EFCAB13: variants seen among roughly 807,000 people sequenced by gnomAD.
EFCAB13 encodes EF-hand calcium-binding domain-containing protein 13.
In EFCAB13, 91 loss-of-function variants were observed where a neutral mutation model predicts 110.2. That is an observed-to-expected ratio of 0.83 (90% confidence interval 0.70 to 0.98). The LOEUF is 0.98. Ranked by LOEUF, EFCAB13 falls within the 50% of genes least tolerant of loss-of-function variation. EFCAB13 has a pLI of 0.00. For synonymous variants in EFCAB13, 323 were observed against 369.9 expected (o/e 0.87, Z 1.45); for missense variants, 968 against 1,119.4 (o/e 0.86, Z 1.93).
chr17:47,342,363 T>C (rs893043811), intron 6 of EFCAB13, among the ~76,000 whole-genome samples: 2 of 152,190 alleles, frequency 1.3e-5, no homozygotes, highest in Non-Finnish European at 2.9e-5. Flanking sequence ...ATAACTCCAA[T>C]CTCTGCCTCC....
intron 24 of EFCAB13, 108 bp downstream of exon 24, chr17:47,430,069 G>A: frequency 7.1e-7 from 1 of 1,400,104 alleles, no homozygotes; most frequent in South Asian, 1.8e-5. Context: ...GGAAGCTGAG[G>A]TGGGATGACT....
At chr17:47,395,792 T>C (rs965040458) in intron 16 of EFCAB13, 42 bp from the exon 17 acceptor site, 2 of 1,545,338 alleles carry the variant, frequency 1.3e-6, no homozygotes, top group Non-Finnish European at 8.8e-7. Context: ...ATTAACTTCT[T>C]GCATAAGCAT....
At chr17:47,412,747 T>C in intron 21 of EFCAB13, 26 bp from the exon 22 acceptor site, 1 of 1,595,824 alleles carries the variant, frequency 6.3e-7, no homozygotes, top group South Asian at 1.1e-5. Flanking sequence ...TACACCATAA[T>C]AGCTTGTGTA....
intron 21 of EFCAB13, among the ~76,000 whole-genome samples, chr17:47,411,856 C>T (rs927462808): frequency 6.6e-6 from 1 of 152,212 alleles, no homozygotes; most frequent in Non-Finnish European, 1.5e-5. Flanking sequence ...CTTTGGGAGG[C>T]TGACGCCGGT....
rs1226654120 is a variant in EFCAB13, at chr17:47,370,733, T to G, written c.877+225T>G. On this transcript the variant is annotated intron_variant, in intron 11 of 24. Coordinates refer to ENST00000331493, the MANE Select transcript of EFCAB13 (RefSeq NM_152347.5). Reference sequence around the variant, plus strand: ...TTGCCCAGTTTTTTGTTGTTGTTGTTGTTTGTTTTTTTTTTTTTTTTTTTT... The same window carrying G: ...TTGCCCAGTTTTTTGTTGTTGTTGTGGTTTGTTTTTTTTTTTTTTTTTTTT... Among the ~76,000 whole-genome samples the G allele has an allele frequency of 8.0e-5, 8 of 99,752 alleles. No homozygotes were observed. In the East Asian group the frequency reaches 1.4e-3, roughly 17 times the overall value. 65.4% of individuals were successfully genotyped at this position (99,752 alleles called of 152,430 possible).
chr17:47,335,892 A>G (rs567013731), intron 5 of EFCAB13, among the ~76,000 whole-genome samples: 4 of 152,322 alleles, frequency 2.6e-5, no homozygotes, highest in South Asian at 4.1e-4. Context: ...CTCTCCCCCA[A>G]TATTGGGGAT....
chr17:47,418,254 G>C (rs1161521946), intron 23 of EFCAB13, among the ~76,000 whole-genome samples: 1 of 152,164 alleles, frequency 6.6e-6, no homozygotes, highest in Non-Finnish European at 1.5e-5. Context: ...ATTAGAGCTA[G>C]CTTACCCTTC....
chr17:47,409,033 C>T (rs1432030198), intron 20 of EFCAB13, among the ~76,000 whole-genome samples: 1 of 152,018 alleles, frequency 6.6e-6, no homozygotes. Flanking sequence ...TGTATTCTAA[C>T]CTCTGTTTGT....
Position 47,402,389 on chromosome 17 carries a change from A to G in EFCAB13, c.2017+186A>G, listed in dbSNP as rs1175860073. On this transcript the variant is annotated intron_variant, in intron 18 of 24. Transcript: ENST00000331493. ...GGCATATAGGAACTTGGCTTTCAGA[A>G]TGTATCCTTCATTACTAACTGATAA... 3.3e-5 allele frequency among the ~76,000 whole-genome samples: 5 copies of G among 152,244 alleles called. No individual in the cohort carries two copies. In the East Asian group the frequency reaches 9.6e-4, roughly 29 times the overall value.
At chr17:47,333,561 T>G (rs993946317) in intron 4 of EFCAB13, among the ~76,000 whole-genome samples, 1 of 152,168 alleles carries the variant, frequency 6.6e-6, no homozygotes, top group African/African-American at 2.4e-5. Context: ...ACTTTACAGT[T>G]TTAGGTCTTG....
chr17:47,369,080 G>A (rs755591348), intron 10 of EFCAB13, among the ~76,000 whole-genome samples: 3 of 152,186 alleles, frequency 2.0e-5, no homozygotes, highest in Non-Finnish European at 4.4e-5. Flanking sequence ...GATGAGAATG[G>A]AGTTCATGAG....
intron 23 of EFCAB13, among the ~76,000 whole-genome samples, chr17:47,428,038 C>G (rs1395700422): frequency 6.6e-6 from 1 of 151,194 alleles, no homozygotes; most frequent in African/African-American, 2.4e-5. Context: ...TCCTACTGAC[C>G]GGTTGTATGA....
At chr17:47,420,422 G>A (rs564159407) in intron 23 of EFCAB13, among the ~76,000 whole-genome samples, 2 of 152,216 alleles carry the variant, frequency 1.3e-5, no homozygotes, top group East Asian at 3.9e-4. Flanking sequence ...TCTGGGACGT[G>A]AGGAGCCCCT....
chr17:47,353,014 C>A (rs2065461856), intron 9 of EFCAB13, among the ~76,000 whole-genome samples: 1 of 152,074 alleles, frequency 6.6e-6, no homozygotes, highest in Non-Finnish European at 1.5e-5. Flanking sequence ...AAGATTATAT[C>A]ATCAACAAAC....
chr17:47,438,595 A>T (rs1343958958), intron 24 of EFCAB13, among the ~76,000 whole-genome samples: 1 of 150,956 alleles, frequency 6.6e-6, no homozygotes, highest in East Asian at 1.9e-4. Flanking sequence ...TCTATTACTG[A>T]GACTTTCCGG....
At chr17:47,427,842 C>G (rs1905012858) in intron 23 of EFCAB13, among the ~76,000 whole-genome samples, 1 of 151,906 alleles carries the variant, frequency 6.6e-6, no homozygotes, top group South Asian at 2.1e-4. Flanking sequence ...TTCCTATAGA[C>G]CTATTACTTT....
chr17:47,385,334 G>C (rs576353404), intron 14 of EFCAB13, among the ~76,000 whole-genome samples: 5 of 151,914 alleles, frequency 3.3e-5, no homozygotes, highest in Non-Finnish European at 7.4e-5. Context: ...TGGAGGCTTC[G>C]TTCATTCCTT....
At chr17:47,422,019 T>A (rs1291798291) in intron 23 of EFCAB13, among the ~76,000 whole-genome samples, 2 of 152,042 alleles carry the variant, frequency 1.3e-5, no homozygotes, top group Non-Finnish European at 2.9e-5. Context: ...TATAATTCAG[T>A]CCCCATCATG....
At chr17:47,385,394 G>A (rs1269557318) in intron 14 of EFCAB13, among the ~76,000 whole-genome samples, 2 of 151,632 alleles carry the variant, frequency 1.3e-5, no homozygotes, top group Non-Finnish European at 2.9e-5. Flanking sequence ...TCAGTAAGTT[G>A]AACTTCAATC....
Sources: allele counts gnomAD v4.1 joint callset (sites outside exome capture counted in the v4.1 genomes callset), GRCh38; gene constraint gnomAD v4.1.1; transcripts MANE v1.5; gene names NCBI Gene and HGNC (gene_info 2026-07-23, HGNC 2026-07-21).